PRKG1: variants seen among roughly 807,000 people sequenced by gnomAD.
PRKG1 encodes protein kinase cGMP-dependent 1, also known as cGMP-dependent protein kinase 1.
PRKG1 carries 35 observed loss-of-function variants against 88.1 expected under a neutral mutation model. That is an observed-to-expected ratio of 0.40 (90% CI 0.30 to 0.53). PRKG1 has a LOEUF of 0.53. PRKG1 is among the 20% of genes least tolerant of loss of function. The probability of loss-of-function intolerance (pLI) is 0.59; values close to 1 mark genes in which losing one functional copy is unlikely to be tolerated. For missense variants in PRKG1, 540 were observed against 839.8 expected (o/e 0.64, Z 4.41); for synonymous variants, 303 against 292.5 (o/e 1.04, Z -0.37).
chr10:51,824,139 TC>T (rs1839825200), intron 4 of PRKG1, among the ~76,000 whole-genome samples: 1 of 152,200 alleles, frequency 6.6e-6, no homozygotes, highest in African/African-American at 2.4e-5. Context: ...CTCCCAAAGT[TC>T]TAGGACTATA....
chr10:51,217,497 A>G (rs1838402749), intron 2 of PRKG1, among the ~76,000 whole-genome samples: 2 of 152,116 alleles, frequency 1.3e-5, no homozygotes, highest in Non-Finnish European at 2.9e-5. Flanking sequence ...GAAAAAGAAC[A>G]TTGTGAGGGT....
chr10:51,252,781 A>G lies in PRKG1; in HGVS notation c.478+99451A>G, dbSNP rs111452266. 3.5e-3 allele frequency among the ~76,000 whole-genome samples: 528 copies of G among 151,974 alleles called. 2 individuals are homozygous for G. The highest frequency in any genetic ancestry group is 8.3e-3 in the Admixed American group (127 of 15,216). ...CTTCATTCTTTAAATGGAAATAGAAATGTACTGTAATGTTGTCTTCAAGGT... is the reference window on the plus strand; with the variant it reads ...CTTCATTCTTTAAATGGAAATAGAAGTGTACTGTAATGTTGTCTTCAAGGT... On this transcript the variant is annotated intron_variant, in intron 2 of 17. Transcript: ENST00000373980.
At chr10:51,215,500 A>G (rs1644437572) in intron 2 of PRKG1, among the ~76,000 whole-genome samples, 1 of 152,182 alleles carries the variant, frequency 6.6e-6, no homozygotes, top group Middle Eastern at 3.2e-3. Flanking sequence ...TTCATAGGGA[A>G]GACAGCTGAA....
At chr10:51,043,367 A>G (rs1843450017) in intron 1 of PRKG1, among the ~76,000 whole-genome samples, 1 of 152,144 alleles carries the variant, frequency 6.6e-6, no homozygotes, top group Non-Finnish European at 1.5e-5. Context: ...GTGCCCCCCA[A>G]AGCACACACA....
At chr10:51,824,512 A>G (rs570766397) in intron 4 of PRKG1, among the ~76,000 whole-genome samples, 13 of 152,292 alleles carry the variant, frequency 8.5e-5, no homozygotes, top group Admixed American at 5.9e-4. Context: ...ACACACTTGT[A>G]AAAGTCAAGG....
At position 51,584,222 on chromosome 10, in the gene PRKG1, T is replaced by G. The variant is rs549548418; in HGVS notation, c.592+116386T>G. ...TTTGCCAAGTGCAATGCAATAGCCT[T>G]TTGTTTGAATAGAATTCTTCTGTCA... On this transcript the variant is annotated intron_variant, in intron 3 of 17. Coordinates refer to ENST00000373980, the MANE Select transcript of PRKG1 (RefSeq NM_006258.4). 1.8e-4 allele frequency among the ~76,000 whole-genome samples: 27 copies of G among 152,150 alleles called. No homozygotes were observed. In the East Asian group the frequency reaches 4.8e-3, roughly 27 times the overall value.
chr10:52,014,306 T>C (rs1462450224), intron 5 of PRKG1, among the ~76,000 whole-genome samples: 1 of 151,992 alleles, frequency 6.6e-6, no homozygotes, highest in Non-Finnish European at 1.5e-5. Flanking sequence ...GCAAGGTACA[T>C]ATTATATGGT....
chr10:51,482,093 T>A (rs1187222553), intron 3 of PRKG1, among the ~76,000 whole-genome samples: 1 of 152,148 alleles, frequency 6.6e-6, no homozygotes, highest in Non-Finnish European at 1.5e-5. Context: ...ACATAAGGAA[T>A]TGGAATGATT....
At chr10:51,446,040 T>G (rs1451309786) in intron 2 of PRKG1, among the ~76,000 whole-genome samples, 1 of 151,994 alleles carries the variant, frequency 6.6e-6, no homozygotes, top group Non-Finnish European at 1.5e-5. Flanking sequence ...ATGGTGAATG[T>G]TCATTAATCC....
chr10:52,038,366 T>TGGAAATAAGGGATGAAGCAC (rs1845670225), intron 5 of PRKG1, among the ~76,000 whole-genome samples: 1 of 143,680 alleles, frequency 7.0e-6, no homozygotes, highest in African/African-American at 2.6e-5. Flanking sequence ...GGTCGGGGCA[T>TGGAAATAAGGGATGAAGCAC]GGAAATAAGG....
intron 3 of PRKG1, among the ~76,000 whole-genome samples, chr10:51,526,613 A>G (rs1016562501): frequency 6.6e-6 from 1 of 152,202 alleles, no homozygotes; most frequent in Non-Finnish European, 1.5e-5. Flanking sequence ...TTTATCACAT[A>G]CATGTATGAC....
chr10:51,849,205 A>G (rs970235275), intron 4 of PRKG1, among the ~76,000 whole-genome samples: 2 of 152,142 alleles, frequency 1.3e-5, no homozygotes, highest in East Asian at 1.9e-4. Flanking sequence ...CTTTTATTCT[A>G]TTTAGTTAGT....
At chr10:51,394,117 A>T (rs983897486) in intron 2 of PRKG1, among the ~76,000 whole-genome samples, 1 of 152,150 alleles carries the variant, frequency 6.6e-6, no homozygotes, top group Admixed American at 6.5e-5. Context: ...TTCCTAACAA[A>T]CCACTCCAAA....
At chr10:51,569,864 G>A (rs1349063876) in intron 3 of PRKG1, among the ~76,000 whole-genome samples, 1 of 151,882 alleles carries the variant, frequency 6.6e-6, no homozygotes, top group Non-Finnish European at 1.5e-5. Flanking sequence ...TCTGCCAGGT[G>A]CATGGTAGGC....
At chr10:52,226,153 G>T (rs1239973569) in intron 9 of PRKG1, among the ~76,000 whole-genome samples, 1 of 151,396 alleles carries the variant, frequency 6.6e-6, no homozygotes, top group African/African-American at 2.4e-5. Context: ...TCATAAAACT[G>T]CCTGATTCTG....
chr10:51,502,532 T>C (rs1183736610), intron 3 of PRKG1, among the ~76,000 whole-genome samples: 1 of 152,136 alleles, frequency 6.6e-6, no homozygotes, highest in Non-Finnish European at 1.5e-5. Flanking sequence ...GTTCAGAAAA[T>C]GTATAGGATT....
intron 1 of PRKG1, among the ~76,000 whole-genome samples, chr10:51,117,225 A>G (rs1845147884): frequency 6.6e-6 from 1 of 152,220 alleles, no homozygotes; most frequent in South Asian, 2.1e-4. Flanking sequence ...ACTCTGGTAC[A>G]AAGCAATCAT....
At chr10:51,654,944 G>A (rs1158912059) in intron 3 of PRKG1, among the ~76,000 whole-genome samples, 2 of 152,118 alleles carry the variant, frequency 1.3e-5, no homozygotes, top group Non-Finnish European at 2.9e-5. Context: ...ATTTCAATAA[G>A]CTTTTCAATC....
At chr10:52,125,515 A>G (rs1847911417) in intron 7 of PRKG1, among the ~76,000 whole-genome samples, 2 of 152,144 alleles carry the variant, frequency 1.3e-5, no homozygotes, top group South Asian at 4.1e-4. Flanking sequence ...CAGGGAATAT[A>G]TATCCCAAGA....
Sources: allele counts gnomAD v4.1 joint callset (sites outside exome capture counted in the v4.1 genomes callset), GRCh38; gene constraint gnomAD v4.1.1; transcripts MANE v1.5; gene names NCBI Gene and HGNC (gene_info 2026-07-23, HGNC 2026-07-21).